SLC36A4: variants seen among roughly 807,000 people sequenced by gnomAD.
The protein encoded by SLC36A4 is solute carrier family 36 member 4, also known as neutral amino acid uniporter 4.
SLC36A4 carries 49 observed loss-of-function variants against 50.5 expected under a neutral mutation model. The observed-to-expected ratio is 0.97, with a 90% confidence interval of 0.77 to 1.23. SLC36A4 has a LOEUF of 1.23. Among genes scored for constraint, SLC36A4 ranks in the 50% most tolerant of loss-of-function variants. The pLI is 0.00. For synonymous variants in SLC36A4, 207 were observed against 206.5 expected (o/e 1.00, Z -0.02); for missense variants, 611 against 608.4 (o/e 1.00, Z -0.05).
At chr11:93,192,822 A>T (rs1480097119) in intron 1 of SLC36A4, among the ~76,000 whole-genome samples, 1 of 152,106 alleles carries the variant, frequency 6.6e-6, no homozygotes, top group Non-Finnish European at 1.5e-5. Context: ...GAGTGATATC[A>T]TCTGATTTAC....
Position 93,197,599 on chromosome 11 carries a change from T to C in SLC36A4, c.55+179A>G, listed in dbSNP as rs569573721. ...GCCCTATTCAGGCCTGGGCTTCGTC[T>C]GACCAAGTTCTCGGGGTCAGATAAC... On this transcript the variant is annotated intron_variant, in intron 1 of 10. Transcript: ENST00000326402. The C allele has an allele frequency of 5.9e-6, 4 of 675,014 alleles. No individual in the cohort carries two copies. The East Asian group carries it at 1.2e-4, about 21-fold the overall frequency. The allele number at this position is 675,014 out of a possible 1,614,324, so 41.8% of individuals were successfully genotyped here.
At chr11:93,155,977 T>G (rs1860341427) in intron 9 of SLC36A4, among the ~76,000 whole-genome samples, 1 of 152,236 alleles carries the variant, frequency 6.6e-6, no homozygotes, top group African/African-American at 2.4e-5. Flanking sequence ...AATCTATCAC[T>G]GACAGGCATT....
chr11:93,183,096 C>G (rs1411464005), intron 3 of SLC36A4, among the ~76,000 whole-genome samples: 2 of 152,142 alleles, frequency 1.3e-5, no homozygotes, highest in African/African-American at 4.8e-5. Context: ...ATAATTCCAT[C>G]TTATTAACAT....
intron 8 of SLC36A4, among the ~76,000 whole-genome samples, chr11:93,164,827 A>G (rs1860790626): frequency 6.6e-6 from 1 of 152,212 alleles, no homozygotes. Context: ...GAAATAGAGA[A>G]CCAAGGACAA....
intron 3 of SLC36A4, among the ~76,000 whole-genome samples, chr11:93,184,181 A>G (rs907177370): frequency 7.9e-5 from 12 of 152,246 alleles, no homozygotes; most frequent in African/African-American, 2.9e-4. Context: ...AAAATCAAAG[A>G]CTGTTTTAGG....
chr11:93,155,827 T>G (rs955984612), intron 9 of SLC36A4, among the ~76,000 whole-genome samples: 2 of 152,128 alleles, frequency 1.3e-5, no homozygotes, highest in Non-Finnish European at 2.9e-5. Context: ...ATATGTGGTA[T>G]TTGGTTTTCT....
intron 1 of SLC36A4, 114 bp downstream of exon 1, chr11:93,197,664 A>G: frequency 8.7e-7 from 1 of 1,146,046 alleles, no homozygotes; most frequent in Non-Finnish European, 1.2e-6. Flanking sequence ...TCAGTTAGCA[A>G]TCGGGCCTCA....
intron 6 of SLC36A4, chr11:93,180,443 T>C (rs1403421956): frequency 4.3e-6 from 2 of 466,024 alleles, no homozygotes; most frequent in East Asian, 3.1e-4. Context: ...TTTAGCCTAC[T>C]GGCTAAAGCC....
At chr11:93,174,504 G>C (rs1386795083) in intron 6 of SLC36A4, among the ~76,000 whole-genome samples, 1 of 149,218 alleles carries the variant, frequency 6.7e-6, no homozygotes, top group Admixed American at 6.7e-5. Flanking sequence ...AGTGGTGAGA[G>C]AGGACATCCC....
intron 6 of SLC36A4, among the ~76,000 whole-genome samples, chr11:93,172,979 T>C (rs1420498790): frequency 6.6e-6 from 1 of 150,406 alleles, no homozygotes; most frequent in Non-Finnish European, 1.5e-5. Flanking sequence ...GATGGCTGGG[T>C]CAAATGGTAT....
intron 8 of SLC36A4, 152 bp downstream of exon 8, chr11:93,165,766 C>T: frequency 2.1e-6 from 1 of 487,132 alleles, no homozygotes; most frequent in Non-Finnish European, 3.5e-6. Context: ...AAGGACTAAA[C>T]TATAATTCTA....
chr11:93,156,111 C>T (rs1296980261), intron 9 of SLC36A4, among the ~76,000 whole-genome samples: 2 of 152,190 alleles, frequency 1.3e-5, no homozygotes, highest in Non-Finnish European at 1.5e-5. Flanking sequence ...ACTACTGGAT[C>T]AAATGACATT....
rs1359411187 is a variant in SLC36A4, at chr11:93,154,242, C to A, written c.1073G>T (p.Gly358Val). 2.0e-6 allele frequency: 3 copies of A among 1,479,182 alleles called. No homozygotes were observed. Among genetic ancestry groups the A allele is most frequent in the East Asian group, 5.0e-5 (2 of 40,090 alleles). 91.6% of individuals were successfully genotyped at this position (1,479,182 alleles called of 1,614,324 possible). The change falls in exon 10 of 11, where the codon GGC becomes GTC. Residue 358 changes from glycine to valine, a missense_variant. Coordinates refer to ENST00000326402, the MANE Select transcript of SLC36A4 (RefSeq NM_152313.4). ...CTGAATTGAATATGTCACAAAAATGCCAAAGGAATATAGAATTTTCACTGA... is the reference window on the plus strand; with the variant it reads ...CTGAATTGAATATGTCACAAAAATGACAAAGGAATATAGAATTTTCACTGA... ...YQSVKILYSF[G>V]IFVTYSIQFY...
intron 6 of SLC36A4, among the ~76,000 whole-genome samples, chr11:93,175,515 T>C (rs965948586): frequency 2.0e-4 from 30 of 149,698 alleles, no homozygotes; most frequent in Admixed American, 1.9e-3. Context: ...GCTCTTGCTT[T>C]TCTAGTTCTT....
intron 7 of SLC36A4, 24 bp from the exon 8 acceptor site, chr11:93,166,040 A>C: frequency 6.5e-7 from 1 of 1,533,646 alleles, no homozygotes; most frequent in Non-Finnish European, 8.9e-7. Context: ...GAAAAAAAGA[A>C]GACCAGTTAC....
At position 93,190,466 on chromosome 11, in the gene SLC36A4, A is replaced by G. The variant is rs369327632; in HGVS notation, c.56-4652T>C. 1.9e-4 allele frequency among the ~76,000 whole-genome samples: 29 copies of G among 152,322 alleles called. No homozygotes were observed. In the East Asian group the frequency reaches 2.5e-3, roughly 13 times the overall value. ...TGATCATTACATATTGTATGCTTATATCAAAATATCTTATGTACTCCACAA... is the reference window on the plus strand; with the variant it reads ...TGATCATTACATATTGTATGCTTATGTCAAAATATCTTATGTACTCCACAA... On this transcript the variant is annotated intron_variant, in intron 1 of 10. Transcript: ENST00000326402.
chr11:93,180,070 T>C, intron 6 of SLC36A4: 5 of 944,436 alleles, frequency 5.3e-6, no homozygotes, highest in Non-Finnish European at 5.0e-6. Context: ...ATCCTATATA[T>C]TACTATGTAA....
chr11:93,183,009 T>C, intron 3 of SLC36A4, 115 bp from the exon 4 acceptor site: 6 of 688,670 alleles, frequency 8.7e-6, no homozygotes, highest in Non-Finnish European at 1.2e-5. Flanking sequence ...TTGAGCAAAA[T>C]GATTAGTCAT....
At chr11:93,167,918 C>G (rs1555011835) in intron 7 of SLC36A4, 26 bp downstream of exon 7, 1 of 1,480,912 alleles carries the variant, frequency 6.8e-7, no homozygotes. Context: ...AAGATAAGAA[C>G]TTAGTTAAAA....
Sources: allele counts gnomAD v4.1 joint callset (sites outside exome capture counted in the v4.1 genomes callset), GRCh38; gene constraint gnomAD v4.1.1; transcripts MANE v1.5; gene names NCBI Gene and HGNC (gene_info 2026-07-23, HGNC 2026-07-21).